The following HMBOX1 variants were observed in gnomAD, a reference collection of about 807,000 sequenced individuals.
HMBOX1 encodes the protein homeobox containing 1, also known as homeobox-containing protein 1.
A neutral mutation model predicts 54.5 loss-of-function variants in HMBOX1; 14 were observed. That is an observed-to-expected ratio of 0.26 (90% CI 0.17 to 0.40). The LOEUF is 0.40. HMBOX1 is among the 10% of genes least tolerant of loss of function. The pLI, the probability that HMBOX1 is intolerant of heterozygous loss-of-function variation, is 1.00. For synonymous variants in HMBOX1, 160 were observed against 181.0 expected, an observed-to-expected ratio of 0.88 and a Z score of 0.93; for missense variants, 332 against 514.4, an observed-to-expected ratio of 0.65 and a Z score of 3.43.
intron 1 of HMBOX1, chr8:28,891,080 CTCTGCTCGTCTT>C (rs1810817008): frequency 6.5e-6 from 1 of 152,752 alleles, no homozygotes; most frequent in African/African-American, 2.4e-5. Context: ...TACTTGTGTG[CTCTGCTCGTCTT>C]GGAGCGGTGT....
intron 1 of HMBOX1, among the ~76,000 whole-genome samples, chr8:28,910,627 G>A (rs981507989): frequency 6.6e-6 from 1 of 152,132 alleles, no homozygotes; most frequent in African/African-American, 2.4e-5. Context: ...AACTAATGAT[G>A]TTGAGCATGT....
At chr8:28,975,150 C>T (rs1259036679) in intron 3 of HMBOX1, among the ~76,000 whole-genome samples, 2 of 152,106 alleles carry the variant, frequency 1.3e-5, no homozygotes, top group East Asian at 3.8e-4. Flanking sequence ...CTTCATTGAA[C>T]AAATTAAGCT....
chr8:28,915,373 T>C (rs904489079), intron 1 of HMBOX1, among the ~76,000 whole-genome samples: 13 of 151,736 alleles, frequency 8.6e-5, no homozygotes, highest in Admixed American at 6.6e-4. Flanking sequence ...CTGGCTAACA[T>C]GGTGAAACCC....
intron 1 of HMBOX1, among the ~76,000 whole-genome samples, chr8:28,914,355 G>T (rs1816111064): frequency 6.6e-6 from 1 of 152,060 alleles, no homozygotes; most frequent in Non-Finnish European, 1.5e-5. Context: ...CTGTATTTAG[G>T]AACTTAAGGA....
intron 1 of HMBOX1, among the ~76,000 whole-genome samples, chr8:28,900,267 A>ATATATATATATATAT (rs1243910972): frequency 1.7e-3 from 95 of 54,456 alleles, no homozygotes; most frequent in African/African-American, 3.2e-3. Flanking sequence ...AAAAAAAAAA[A>ATATATATATATATAT]AAAAATATAT....
chr8:29,024,097 C>G (rs1032466239), intron 6 of HMBOX1, among the ~76,000 whole-genome samples: 2 of 152,118 alleles, frequency 1.3e-5, no homozygotes, highest in Admixed American at 1.3e-4. Context: ...AGAACTTTCC[C>G]TCATCAACAA....
chr8:28,966,834 T>C (rs953422710), intron 2 of HMBOX1, among the ~76,000 whole-genome samples: 1 of 152,218 alleles, frequency 6.6e-6, no homozygotes, highest in Non-Finnish European at 1.5e-5. Context: ...CATTTTGCTT[T>C]AGGTTATATT....
At chr8:28,947,045 A>G (rs1822594757) in intron 1 of HMBOX1, among the ~76,000 whole-genome samples, 1 of 152,226 alleles carries the variant, frequency 6.6e-6, no homozygotes, top group South Asian at 2.1e-4. Context: ...AACATAAGAA[A>G]GAGAGAAAAT....
At chr8:28,963,955 A>G (rs1469180628) in intron 2 of HMBOX1, 65 bp downstream of exon 2, 7 of 1,249,572 alleles carry the variant, frequency 5.6e-6, no homozygotes, top group African/African-American at 2.9e-5. Flanking sequence ...AGATGTCACT[A>G]TGATTATGAT....
chr8:28,898,962 G>A (rs1812688545), intron 1 of HMBOX1, among the ~76,000 whole-genome samples: 2 of 152,158 alleles, frequency 1.3e-5, no homozygotes, highest in Admixed American at 1.3e-4. Flanking sequence ...GTTGAACAAG[G>A]CACTCAGTTA....
rs549591271 is a variant in HMBOX1 at position 29,006,708 on chromosome 8, C to T, written c.587-2364C>T. On this transcript the variant is annotated intron_variant, in intron 4 of 9. Transcript: ENST00000287701. ...AATATACTCTAACTTAACTAATGTCCGTTTGATGAGATTTTGTCCTCTTCT... is the reference window on the plus strand; with the variant it reads ...AATATACTCTAACTTAACTAATGTCTGTTTGATGAGATTTTGTCCTCTTCT... 1.1e-3 allele frequency among the ~76,000 whole-genome samples: 168 copies of T among 152,128 alleles called. 4 individuals are homozygous for T. The highest frequency in any genetic ancestry group is 3.6e-3 in the African/African-American group (150 of 41,470).
chr8:28,960,873 G>A (rs1411981397), intron 1 of HMBOX1, among the ~76,000 whole-genome samples: 1 of 135,946 alleles, frequency 7.4e-6, no homozygotes, highest in East Asian at 2.4e-4. Context: ...TGCAACCTCT[G>A]CCTCCCGGAT....
chr8:28,921,073 G>A (rs1037959625), intron 1 of HMBOX1, among the ~76,000 whole-genome samples: 1 of 152,182 alleles, frequency 6.6e-6, no homozygotes, highest in Non-Finnish European at 1.5e-5. Flanking sequence ...AGTGGCTCAC[G>A]CCTGTAATCC....
chr8:28,959,341 G>A (rs563122321), intron 1 of HMBOX1, among the ~76,000 whole-genome samples: 1 of 152,186 alleles, frequency 6.6e-6, no homozygotes, highest in Non-Finnish European at 1.5e-5. Context: ...TAGTGAGTGA[G>A]TAAGGGTCAG....
At chr8:29,040,681 G>A (rs1399263213) in intron 6 of HMBOX1, among the ~76,000 whole-genome samples, 3 of 152,086 alleles carry the variant, frequency 2.0e-5, no homozygotes, top group Non-Finnish European at 2.9e-5. Flanking sequence ...GTCTTTAATA[G>A]AGAAGAAAGG....
rs185243618 is a variant in HMBOX1, at chr8:28,915,056, C to A, written c.-58+24378C>A. ...CAAAATCCAAAGACAGGTAAGACTT[C>A]TGGCAAAAATTGATCCAGAGGTTCT... On this transcript the variant is annotated intron_variant, in intron 1 of 9. Transcript: ENST00000287701. Among the ~76,000 whole-genome samples, 297 of 152,254 alleles carry A rather than the reference C, an allele frequency of 2.0e-3. 1 individual carries two copies. The highest frequency in any genetic ancestry group is 6.7e-3 in the African/African-American group (279 of 41,544).
At chr8:28,971,974 G>C (rs1313754211) in intron 3 of HMBOX1, among the ~76,000 whole-genome samples, 1 of 152,142 alleles carries the variant, frequency 6.6e-6, no homozygotes, top group Non-Finnish European at 1.5e-5. Flanking sequence ...TAAACTTCAA[G>C]ATGGAATAAT....
At chr8:28,991,545 A>G (rs898665750) in intron 4 of HMBOX1, among the ~76,000 whole-genome samples, 1 of 152,230 alleles carries the variant, frequency 6.6e-6, no homozygotes, top group Admixed American at 6.5e-5. Flanking sequence ...CGAGGCCAAT[A>G]TGATATTGCC....
chr8:29,003,555 A>AATATATATATATATATAT (rs71222586), intron 4 of HMBOX1, among the ~76,000 whole-genome samples: 5,261 of 70,834 alleles, frequency 0.074, 577 homozygotes, highest in Non-Finnish European at 0.095. Flanking sequence ...TTCTGTATTA[A>AATATATATATATATATAT]ATATATATAT....
Sources: gnomAD v4.1 joint callset for allele counts (sites outside exome capture counted in the v4.1 genomes callset) on GRCh38, gnomAD v4.1.1 for gene constraint, MANE v1.5 for transcripts, NCBI Gene and HGNC (gene_info 2026-07-23, HGNC 2026-07-21) for gene names.